Variants in AGBL1 observed in about 807,000 individuals in gnomAD.
The protein encoded by AGBL1 is cytosolic carboxypeptidase 4.
In AGBL1, 130 loss-of-function variants were observed where a neutral mutation model predicts 118.9. That is an observed-to-expected ratio of 1.09 (90% CI 0.95 to 1.26). The LOEUF is 1.26. Among genes scored for constraint, AGBL1 ranks in the 50% most tolerant of loss-of-function variants. The pLI is 0.00. For missense variants in AGBL1, 1,584 were observed against 1,298.1 expected (o/e 1.22, Z -3.38); for synonymous variants, 555 against 478.9 (o/e 1.16, Z -2.08).
At chr15:86,662,766 A>C (rs1445981951) in intron 21 of AGBL1, among the ~76,000 whole-genome samples, 2 of 152,196 alleles carry the variant, frequency 1.3e-5, no homozygotes, top group Non-Finnish European at 2.9e-5. Flanking sequence ...TAATCTGCAG[A>C]CCATAATTTG....
intron 22 of AGBL1, among the ~76,000 whole-genome samples, chr15:86,832,330 C>T (rs2079116368): frequency 6.6e-6 from 1 of 152,192 alleles, no homozygotes; most frequent in Non-Finnish European, 1.5e-5. Flanking sequence ...TTCTTTTCTA[C>T]TCCATCATCA....
chr15:86,807,292 T>C (rs575438574), intron 22 of AGBL1, among the ~76,000 whole-genome samples: 2 of 152,228 alleles, frequency 1.3e-5, no homozygotes, highest in South Asian at 4.1e-4. Context: ...ACCATAACTG[T>C]CCATTTACTG....
intron 18 of AGBL1, among the ~76,000 whole-genome samples, chr15:86,511,931 G>C (rs972842361): frequency 1.3e-5 from 2 of 151,968 alleles, no homozygotes; most frequent in African/African-American, 4.8e-5. Context: ...AATAAATGTA[G>C]AGAATAATGT....
chr15:86,295,450 G>C, intron 17 of AGBL1, 42 bp downstream of exon 17: 1 of 1,519,956 alleles, frequency 6.6e-7, no homozygotes, highest in South Asian at 1.3e-5. Context: ...TTTGACTAAG[G>C]GTGTCCTTTA....
At chr15:86,117,416 A>T (rs189310176) in intron 1 of AGBL1, among the ~76,000 whole-genome samples, 20 of 152,240 alleles carry the variant, frequency 1.3e-4, no homozygotes, top group Non-Finnish European at 2.8e-4. Flanking sequence ...TTGGCATCTG[A>T]TTGACCTACC....
rs751843427 is a variant in AGBL1, at chr15:87,028,792, A to G, written c.3324-33A>G. On this transcript the variant is annotated intron_variant, in intron 24 of 24. Transcript: ENST00000441037. ...AACCAGAAGTTACACGGCTTCAAGC[A>G]TAGTAATTAATATATTTCTTATTCC... The G allele has an allele frequency of 8.2e-6, 13 of 1,594,576 alleles. No individual in the cohort carries two copies. The African/African-American group carries it at 1.1e-4, about 13-fold the overall frequency.
At chr15:86,811,516 A>G (rs1208364763) in intron 22 of AGBL1, among the ~76,000 whole-genome samples, 8 of 152,212 alleles carry the variant, frequency 5.3e-5, no homozygotes, top group Admixed American at 6.6e-5. Context: ...CCAATGTTCC[A>G]ACAGGCTTTC....
intron 17 of AGBL1, among the ~76,000 whole-genome samples, chr15:86,366,197 C>T (rs1235318243): frequency 6.6e-6 from 1 of 152,118 alleles, no homozygotes; most frequent in African/African-American, 2.4e-5. Flanking sequence ...CATTCAGCTC[C>T]ATTTCTTAAA....
At chr15:86,833,980 G>A (rs753655360) in intron 22 of AGBL1, among the ~76,000 whole-genome samples, 14 of 152,064 alleles carry the variant, frequency 9.2e-5, no homozygotes, top group Non-Finnish European at 1.8e-4. Flanking sequence ...TTAGTTTCCT[G>A]CAGAACTGAA....
intron 23 of AGBL1, among the ~76,000 whole-genome samples, chr15:86,929,132 A>G (rs1006278266): frequency 6.6e-6 from 1 of 152,094 alleles, no homozygotes; most frequent in African/African-American, 2.4e-5. Context: ...TCAGTCCACT[A>G]TTCATTTACA....
intron 22 of AGBL1, among the ~76,000 whole-genome samples, chr15:86,768,335 A>G (rs1354287425): frequency 1.3e-5 from 2 of 152,124 alleles, no homozygotes; most frequent in East Asian, 1.9e-4. Flanking sequence ...AACATAGCAT[A>G]ACATACTCAT....
At chr15:86,777,113 A>C (rs968963231) in intron 22 of AGBL1, among the ~76,000 whole-genome samples, 1 of 151,982 alleles carries the variant, frequency 6.6e-6, no homozygotes, top group Non-Finnish European at 1.5e-5. Flanking sequence ...TTCCATATGG[A>C]CAGCCAATTA....
At chr15:86,616,729 A>T (rs1419135978) in intron 21 of AGBL1, among the ~76,000 whole-genome samples, 1 of 152,174 alleles carries the variant, frequency 6.6e-6, no homozygotes, top group East Asian at 1.9e-4. Flanking sequence ...GTTACCAGTC[A>T]CCTGTCACTT....
At chr15:86,839,924 T>A (rs1041507685) in intron 22 of AGBL1, among the ~76,000 whole-genome samples, 1 of 152,214 alleles carries the variant, frequency 6.6e-6, no homozygotes, top group Non-Finnish European at 1.5e-5. Context: ...TAACTCAGAC[T>A]TCTATGAATT....
At position 86,689,441 on chromosome 15, in the gene AGBL1, A is replaced by T. The variant is rs532360628; in HGVS notation, c.3158+15005A>T. On this transcript the variant is annotated intron_variant, in intron 22 of 22. Coordinates refer to ENST00000614907, the MANE Select transcript of AGBL1 (RefSeq NM_001386094.1). ...ATTTAAAGCTGAATCCCTAGCACCT[A>T]GAATAATGCCTGATGCATAGGAAGT... 3.3e-5 allele frequency among the ~76,000 whole-genome samples: 5 copies of T among 152,256 alleles called. No individual in the cohort carries two copies. In the South Asian group the frequency reaches 1.0e-3, roughly 32 times the overall value.
chr15:86,869,008 C>T (rs1185185879), intron 22 of AGBL1, among the ~76,000 whole-genome samples: 1 of 152,180 alleles, frequency 6.6e-6, no homozygotes, highest in African/African-American at 2.4e-5. Flanking sequence ...CTTCAAGGAC[C>T]AAGCAAAGGC....
chr15:86,776,512 CT>C (rs1331834985), intron 22 of AGBL1, among the ~76,000 whole-genome samples: 1 of 150,036 alleles, frequency 6.7e-6, no homozygotes, highest in Non-Finnish European at 1.5e-5. Flanking sequence ...TCTTTCTGTT[CT>C]TTTTTTTCTT....
chr15:86,920,294 C>T (rs1388274446), downstream of AGBL1, among the ~76,000 whole-genome samples: 2 of 152,222 alleles, frequency 1.3e-5, no homozygotes, highest in African/African-American at 2.4e-5. Context: ...CATTCCTTGG[C>T]CTGTGACATC....
At chr15:86,136,421 A>T (rs1390016915) in intron 1 of AGBL1, among the ~76,000 whole-genome samples, 1 of 152,156 alleles carries the variant, frequency 6.6e-6, no homozygotes, top group Non-Finnish European at 1.5e-5. Context: ...GGCACCAATC[A>T]TGTTGTAGTC....
Sources: gnomAD v4.1 joint callset for allele counts (sites outside exome capture counted in the v4.1 genomes callset) on GRCh38, gnomAD v4.1.1 for gene constraint, MANE v1.5 for transcripts, NCBI Gene and HGNC (gene_info 2026-07-23, HGNC 2026-07-21) for gene names.